SLC35G2: variants seen among roughly 807,000 people sequenced by gnomAD.
The protein encoded by SLC35G2 is transmembrane protein 22.
SLC35G2 carries 20 observed loss-of-function variants against 27.2 expected under a neutral mutation model. The ratio of observed to expected loss-of-function variants is 0.74; its 90% CI spans 0.52 to 1.07. The LOEUF is 1.07. Among genes scored for constraint, SLC35G2 ranks in the 50% least tolerant of loss-of-function variants. The pLI is 0.00. For synonymous variants in SLC35G2, 148 were observed against 165.3 expected (o/e 0.90, Z 0.80); for missense variants, 416 against 493.3 (o/e 0.84, Z 1.48).
intron 1 of SLC35G2, among the ~76,000 whole-genome samples, chr3:136,839,267 A>C (rs1235966538): frequency 6.6e-6 from 1 of 152,228 alleles, no homozygotes; most frequent in African/African-American, 2.4e-5. Flanking sequence ...AATGGTGAAG[A>C]CTTGCATACT....
At chr3:136,824,164 A>G (rs1381112510) in intron 1 of SLC35G2, among the ~76,000 whole-genome samples, 1 of 152,134 alleles carries the variant, frequency 6.6e-6, no homozygotes, top group Admixed American at 6.5e-5. Flanking sequence ...TGATTCTTCC[A>G]GTTTTGTTCT....
intron 1 of SLC35G2, among the ~76,000 whole-genome samples, chr3:136,852,679 G>C (rs983812584): frequency 1.3e-5 from 2 of 151,786 alleles, no homozygotes; most frequent in Non-Finnish European, 2.9e-5. Flanking sequence ...TTTTAGTAGA[G>C]ACAGGATTTT....
intron 1 of SLC35G2, among the ~76,000 whole-genome samples, chr3:136,831,632 T>C (rs1478623087): frequency 2.6e-5 from 4 of 152,108 alleles, no homozygotes; most frequent in African/African-American, 9.7e-5. Context: ...GTTGAAGGCA[T>C]GTGGGTGGGA....
intron 1 of SLC35G2, among the ~76,000 whole-genome samples, chr3:136,847,941 C>T (rs181816382): frequency 3.9e-5 from 6 of 152,324 alleles, no homozygotes; most frequent in Admixed American, 3.3e-4. Context: ...TGCATCACTA[C>T]ACTCCAGCCT....
chr3:136,828,277 A>C (rs1418522950), intron 1 of SLC35G2, among the ~76,000 whole-genome samples: 3 of 152,200 alleles, frequency 2.0e-5, no homozygotes, highest in Non-Finnish European at 4.4e-5. Context: ...TTGCAGATTA[A>C]CTCCAATGTT....
chr3:136,843,521 C>T (rs1295073230), intron 1 of SLC35G2, among the ~76,000 whole-genome samples: 1 of 151,666 alleles, frequency 6.6e-6, no homozygotes, highest in Non-Finnish European at 1.5e-5. Flanking sequence ...TGGCACACAC[C>T]TATAATCCCA....
At chr3:136,845,166 G>C (rs1488668109) in intron 1 of SLC35G2, among the ~76,000 whole-genome samples, 2 of 152,152 alleles carry the variant, frequency 1.3e-5, no homozygotes, top group Non-Finnish European at 2.9e-5. Context: ...GTCTGTAGTT[G>C]TCTCTGAATG....
At chr3:136,851,698 C>T (rs1241857629) in intron 1 of SLC35G2, among the ~76,000 whole-genome samples, 2 of 151,952 alleles carry the variant, frequency 1.3e-5, no homozygotes, top group African/African-American at 4.8e-5. Context: ...GAGAGCCTGG[C>T]AGAGGAGTTG....
Position 136,855,666 on chromosome 3 carries a change from C to A in SLC35G2, c.1206C>A (p.Asp402Glu), listed in dbSNP as rs1237561860. Residue 402 changes from aspartate (D) to glutamate (E), a missense_variant, in exon 2 of 2, where the codon GAC becomes GAA. Transcript: ENST00000446465. Reference protein sequence around the residue: ...KLYWRNLRKQDYQEILDSPIK With the variant: ...KLYWRNLRKQEYQEILDSPIK ...ACTGGAGGAATTTAAGAAAGCAGGA[C>A]TACCAGGAAATACTAGACTCTCCCA... is the stretch of plus-strand genomic sequence containing the variant. 1 of 1,608,826 alleles carries A rather than the reference C, an allele frequency of 6.2e-7. No individual in the cohort carries two copies. The highest frequency in any genetic ancestry group is 8.5e-7 in the Non-Finnish European group (1 of 1,175,274).
At chr3:136,853,094 TTTTTG>T (rs1249157669) in intron 1 of SLC35G2, among the ~76,000 whole-genome samples, 2 of 151,912 alleles carry the variant, frequency 1.3e-5, no homozygotes, top group African/African-American at 4.8e-5. Context: ...GTGGACATCG[TTTTTG>T]TTTTGTTTTG....
At chr3:136,830,292 AT>A (rs111647858) in intron 1 of SLC35G2, among the ~76,000 whole-genome samples, 3 of 143,638 alleles carry the variant, frequency 2.1e-5, no homozygotes, top group Admixed American at 6.9e-5. Flanking sequence ...TATTATTATT[AT>A]TTTTTTTGAG....
chr3:136,853,455 G>A (rs1444486636), intron 1 of SLC35G2, among the ~76,000 whole-genome samples: 1 of 151,958 alleles, frequency 6.6e-6, no homozygotes, highest in Non-Finnish European at 1.5e-5. Context: ...ATTCATTGTA[G>A]TAAGCTACAA....
At chr3:136,852,310 G>C (rs911411442) in intron 1 of SLC35G2, among the ~76,000 whole-genome samples, 9 of 152,048 alleles carry the variant, frequency 5.9e-5, no homozygotes, top group Non-Finnish European at 1.3e-4. Context: ...ACTTCTTCCA[G>C]CTGAAGGTGG....
intron 1 of SLC35G2, among the ~76,000 whole-genome samples, chr3:136,829,712 TC>T (rs200094237): frequency 7.3e-6 from 1 of 137,840 alleles, no homozygotes; most frequent in African/African-American, 2.7e-5. Flanking sequence ...ATTTTTTTTT[TC>T]CCCCTTGGCA....
At chr3:136,819,798 C>G (rs1016361546) in intron 1 of SLC35G2, 170 bp downstream of exon 1, 4 of 152,256 alleles carry the variant, frequency 2.6e-5, no homozygotes, top group Non-Finnish European at 5.9e-5. Context: ...GGTACATCGA[C>G]GGTTTGTAGA....
At chr3:136,829,191 G>A (rs1936661764) in intron 1 of SLC35G2, among the ~76,000 whole-genome samples, 1 of 151,070 alleles carries the variant, frequency 6.6e-6, no homozygotes, top group African/African-American at 2.4e-5. Context: ...TTTTCTATGT[G>A]CTTACTATCA....
At chr3:136,826,741 A>G (rs772287577) in intron 1 of SLC35G2, among the ~76,000 whole-genome samples, 7 of 151,662 alleles carry the variant, frequency 4.6e-5, no homozygotes, top group African/African-American at 7.3e-5. Flanking sequence ...TGGCTCAAGC[A>G]ATCCTCCCAC....
At chr3:136,827,812 G>T (rs1322716038) in intron 1 of SLC35G2, among the ~76,000 whole-genome samples, 1 of 151,564 alleles carries the variant, frequency 6.6e-6, no homozygotes, top group South Asian at 2.1e-4. Context: ...GGTCAGAGAA[G>T]ATACTTGGTA....
chr3:136,838,551 G>A (rs984420152), intron 1 of SLC35G2: 12 of 152,062 alleles, frequency 7.9e-5, no homozygotes, highest in African/African-American at 1.9e-4. Flanking sequence ...AAGAATCAAC[G>A]GTGTCAATAG....
Sources: gnomAD v4.1 joint callset for allele counts (sites outside exome capture counted in the v4.1 genomes callset) on GRCh38, gnomAD v4.1.1 for gene constraint, MANE v1.5 for transcripts, NCBI Gene and HGNC (gene_info 2026-07-23, HGNC 2026-07-21) for gene names.